Variants in PLCH2 observed in about 807,000 individuals in gnomAD.
The protein encoded by PLCH2 is 1-phosphatidylinositol 4,5-bisphosphate phosphodiesterase eta-2.
In PLCH2, 98 loss-of-function variants were observed where a neutral mutation model predicts 134.7. The ratio of observed to expected loss-of-function variants is 0.73; its 90% CI spans 0.62 to 0.86. PLCH2 has a LOEUF of 0.86. Ranked by LOEUF, PLCH2 falls within the 40% of genes least tolerant of loss-of-function variation. The pLI is 0.00. For synonymous variants in PLCH2, 974 were observed against 827.5 expected, an observed-to-expected ratio of 1.18 and a Z score of -3.04; for missense variants, 1,994 against 1,986.6, an observed-to-expected ratio of 1.00 and a Z score of -0.07.
intron 2 of PLCH2, among the ~76,000 whole-genome samples, chr1:2,455,971 G>A (rs1640472128): frequency 6.6e-6 from 1 of 152,268 alleles, no homozygotes; most frequent in African/African-American, 2.4e-5. Flanking sequence ...AGCTGTGTTT[G>A]ACTCACTTCC....
At chr1:2,490,685 T>A (rs1570449902) in intron 10 of PLCH2, among the ~76,000 whole-genome samples, 2 of 152,356 alleles carry the variant, frequency 1.3e-5, no homozygotes, top group South Asian at 4.1e-4. Flanking sequence ...GCCCACGTGA[T>A]GGCAAAGGCA....
At chr1:2,476,033 C>T (rs1641596296), upstream of PLCH2, among the ~76,000 whole-genome samples, 1 of 152,330 alleles carries the variant, frequency 6.6e-6, no homozygotes, top group South Asian at 2.1e-4. Context: ...GCCCACCCCA[C>T]ACAGGGTCCT....
intron 12 of PLCH2, 76 bp downstream of exon 12, chr1:2,495,024 C>A: frequency 9.6e-7 from 1 of 1,040,360 alleles, no homozygotes. Flanking sequence ...CGTGTCCTCC[C>A]TGCTCCCAGT....
At chr1:2,463,304 AG>A (rs981493252), upstream of PLCH2, among the ~76,000 whole-genome samples, 1 of 152,168 alleles carries the variant, frequency 6.6e-6, no homozygotes, top group African/African-American at 2.4e-5. Context: ...GGTTGGATCC[AG>A]GGGCCTCTGG....
In PLCH2 at chr1:2,444,125, C is replaced by T. The variant is rs894575033; in HGVS notation, c.115+13496C>T. ...GATCGCGGTGGCACGGGCAGGGGTG[C>T]GGGCGCGGGACTGTGGGCGGGACGG... is the stretch of plus-strand genomic sequence containing the variant. On this transcript the variant is annotated intron_variant, in intron 2 of 3. Transcript: ENST00000609981. The surrounding 1 kb of genome is among the most constrained non-coding windows in gnomAD (Gnocchi z 4.6). 6.6e-6 allele frequency among the ~76,000 whole-genome samples: 1 copy of T among 152,146 alleles called. No individual in the cohort carries two copies. The highest frequency in any genetic ancestry group is 2.4e-5 in the African/African-American group (1 of 41,448).
Position 2,504,919 on chromosome 1 carries a change from C to G in PLCH2, c.3957C>G (p.Thr1319=), listed in dbSNP as rs773441760. ...AGGCAGGAGACATCACGTCACCCAC[C>G]AGCCTGGGCCCGGCTGGGGAGGGGG... ...FQQAGDITSP[T]SLGPAGEGVA... Residue 1319 remains threonine (T), a synonymous_variant, in exon 22 of 22, where the codon ACC becomes ACG. Transcript: ENST00000378486. 2.8e-4 allele frequency: 439 copies of G among 1,574,986 alleles called. 1 individual carries two copies. The highest frequency in any genetic ancestry group is 3.7e-4 in the Non-Finnish European group (427 of 1,159,864).
At position 2,448,286 on chromosome 1, in the gene PLCH2, T is replaced by C. The variant is rs966594666; in HGVS notation, c.115+17657T>C. Among the ~76,000 whole-genome samples the C allele has an allele frequency of 6.6e-6, 1 of 151,966 alleles. No homozygotes were observed. Among genetic ancestry groups the C allele is most frequent in the Non-Finnish European group, 1.5e-5 (1 of 67,894 alleles). On this transcript the variant is annotated intron_variant, in intron 2 of 3. Transcript: ENST00000609981. The surrounding 1 kb of genome is among the most constrained non-coding windows in gnomAD (Gnocchi z 4.0). Reference sequence around the variant, plus strand: ...CTCGCAGTCCTGGAGGCTGGAAGTCTGAGGTCAGGGTGTGGGTGGGGCCGC... The same window carrying C: ...CTCGCAGTCCTGGAGGCTGGAAGTCCGAGGTCAGGGTGTGGGTGGGGCCGC...
At chr1:2,460,052 G>A (rs35886181) in intron 2 of PLCH2, among the ~76,000 whole-genome samples, 40,897 of 152,208 alleles carry the variant, frequency 0.27, 5,876 homozygotes, top group Admixed American at 0.37. Flanking sequence ...CAGTGACTGT[G>A]CTCCAGCTGG....
intron 4 of PLCH2, among the ~76,000 whole-genome samples, chr1:2,484,143 G>T (rs779642996): frequency 1.3e-5 from 2 of 152,160 alleles, no homozygotes; most frequent in African/African-American, 4.8e-5. Context: ...TATGGGTGAT[G>T]TTGGCTTCCG....
chr1:2,501,894 G>A (rs187666814), intron 20 of PLCH2: 1 of 495,984 alleles, frequency 2.0e-6, no homozygotes, highest in East Asian at 3.4e-5. Flanking sequence ...TGTGTACTTA[G>A]ATCTGTAGCA....
upstream of PLCH2, among the ~76,000 whole-genome samples, chr1:2,425,102 G>T (rs1010896180): frequency 1.3e-5 from 2 of 150,620 alleles, no homozygotes; most frequent in Non-Finnish European, 2.9e-5. Flanking sequence ...GGCGGAGGCT[G>T]CAGTGAGCGG....
chr1:2,494,681 C>T (rs764697791), intron 11 of PLCH2, among the ~76,000 whole-genome samples, 175 bp from the exon 12 acceptor site: 113 of 152,264 alleles, frequency 7.4e-4, no homozygotes, highest in Non-Finnish European at 1.2e-3. Flanking sequence ...ACGGCTGCCA[C>T]GGGGGCTCCC....
intron 10 of PLCH2, 131 bp downstream of exon 10, chr1:2,489,998 C>T (rs1009874269): frequency 1.4e-6 from 1 of 709,456 alleles, no homozygotes; most frequent in Non-Finnish European, 2.5e-6. Context: ...CAGATTCGCA[C>T]AGCGGCCTGG....
At chr1:2,467,388 G>A (rs1641104583), upstream of PLCH2, 1 of 384,200 alleles carries the variant, frequency 2.6e-6, no homozygotes, top group African/African-American at 2.1e-5. Context: ...TTAAGTGGGC[G>A]GGGCTCCCAC....
rs1643417625 is a variant in PLCH2, at chr1:2,504,394, C to T, written c.3432C>T (p.Ser1144=). The change falls in exon 22 of 22, where the codon TCC becomes TCT. Residue 1144 remains serine (S), a synonymous_variant. Coordinates refer to ENST00000378486, the MANE Select transcript of PLCH2 (RefSeq NM_014638.4). The stretch of plus-strand genomic sequence containing the variant: ...CATGTGGCCACCGAGACAGCGTTTC[C>T]TCCTCCTCCAGCATGTCATCCAGCG... ...LEPCGHRDSV[S]SSSSMSSSDT... 3.1e-6 allele frequency: 5 copies of T among 1,609,096 alleles called. No individual in the cohort carries two copies. The highest frequency in any genetic ancestry group is 3.4e-6 in the Non-Finnish European group (4 of 1,179,456).
At chr1:2,460,322 G>A (rs1009760643) in intron 2 of PLCH2, among the ~76,000 whole-genome samples, 1 of 152,250 alleles carries the variant, frequency 6.6e-6, no homozygotes, top group African/African-American at 2.4e-5. Context: ...CTCTGGGTGC[G>A]GGGCCTACCT....
At chr1:2,486,265 C>G (rs1642279423) in intron 5 of PLCH2, among the ~76,000 whole-genome samples, 1 of 152,192 alleles carries the variant, frequency 6.6e-6, no homozygotes, top group African/African-American at 2.4e-5. Context: ...CAACTGGTGC[C>G]CTTTGCCTGG....
chr1:2,498,938 C>A lies in PLCH2; in HGVS notation c.2434+110C>A. The stretch of plus-strand genomic sequence containing the variant: ...TGCCCAGGCCTCCCTCAGTGACAGT[C>A]CTGGGCGCCCTCCCCTCTAGGTGGG... On this transcript the variant is annotated intron_variant, in intron 18 of 21. Transcript: ENST00000378486. This position sits in a 1 kb window ranked among gnomAD's most constrained non-coding sequence, Gnocchi z 5.4. 7.4e-7 allele frequency: 1 copy of A among 1,344,050 alleles called. No homozygotes were observed. Among genetic ancestry groups the A allele is most frequent in the Non-Finnish European group, 1.0e-6 (1 of 965,616 alleles). The allele number at this position is 1,344,050 out of a possible 1,614,324, so 83.3% of individuals were successfully genotyped here.
At chr1:2,502,516 T>C in intron 21 of PLCH2, 107 bp downstream of exon 21, 1 of 1,163,142 alleles carries the variant, frequency 8.6e-7, no homozygotes, top group African/African-American at 1.5e-5. Flanking sequence ...GCATGAAGTG[T>C]GTGGTGGGAT....
Sources: gnomAD v4.1 joint callset for allele counts (sites outside exome capture counted in the v4.1 genomes callset) on GRCh38, gnomAD v4.1.1 for gene constraint, Gnocchi (gnomAD v3.1) non-coding constraint, MANE v1.5 for transcripts, NCBI Gene and HGNC (gene_info 2026-07-23, HGNC 2026-07-21) for gene names.